INTS2: variants seen among roughly 807,000 people sequenced by gnomAD.
INTS2 encodes KIAA1287.
In INTS2, 57 loss-of-function variants were observed where a neutral mutation model predicts 139.6. The ratio of observed to expected loss-of-function variants is 0.41; its 90% CI spans 0.33 to 0.51. The LOEUF (loss-of-function observed/expected upper bound fraction) is 0.51. Ranked by LOEUF, INTS2 falls within the 20% of genes least tolerant of loss-of-function variation. The pLI, the probability that INTS2 is intolerant of heterozygous loss-of-function variation, is 0.28. For missense variants in INTS2, 1,196 were observed against 1,436.7 expected (o/e 0.83, Z 2.71); for synonymous variants, 473 against 493.4 (o/e 0.96, Z 0.55).
chr17:61,897,493 C>T lies in INTS2; in HGVS notation c.1470G>A (p.Leu490=). ...HSNQLSAIID[L]VCSTLGMKIV... ...CCTTCATCCCCAAAGTGGAACAGAC[C>T]AAGTCAATGATAGCACTAAGCTGGT... Residue 490 remains leucine (L), a synonymous_variant, in exon 11 of 25, where the codon TTG becomes TTA. Transcript: ENST00000251334. The surrounding 1 kb of genome is among the most constrained non-coding windows in gnomAD (Gnocchi z 4.4). 1.3e-6 allele frequency: 2 copies of T among 1,591,116 alleles called. No homozygotes were observed. The highest frequency in any genetic ancestry group is 1.7e-6 in the Non-Finnish European group (2 of 1,169,244).
chr17:61,895,506 G>A, intron 11 of INTS2, 123 bp from the exon 12 acceptor site: 1 of 525,496 alleles, frequency 1.9e-6, no homozygotes, highest in South Asian at 3.8e-5. Context: ...ACTCTACTCT[G>A]TTTTAGAAGT....
intron 8 of INTS2, among the ~76,000 whole-genome samples, chr17:61,905,153 C>A (rs754480692): frequency 1.2e-4 from 18 of 151,914 alleles, no homozygotes; most frequent in Non-Finnish European, 2.4e-4. Flanking sequence ...GTTCCCCAGG[C>A]TGGTCTCAGA....
intron 2 of INTS2, among the ~76,000 whole-genome samples, chr17:61,925,626 C>T (rs1350265577): frequency 1.3e-5 from 2 of 151,764 alleles, no homozygotes; most frequent in Admixed American, 1.3e-4. Context: ...CCACAACTGA[C>T]AATTAACACT....
chr17:61,896,605 G>A (rs1041450625), intron 11 of INTS2, among the ~76,000 whole-genome samples: 1 of 152,042 alleles, frequency 6.6e-6, no homozygotes, highest in African/African-American at 2.4e-5. Context: ...AGTCCCTACA[G>A]GAAAATTAGG....
rs2079100962 is a variant in INTS2 at position 61,872,964 on chromosome 17, TA to T, written c.2583-505del. Among the ~76,000 whole-genome samples the T allele has an allele frequency of 6.6e-6, 1 of 152,208 alleles. No individual in the cohort carries two copies. Among genetic ancestry groups the T allele is most frequent in the Non-Finnish European group, 1.5e-5 (1 of 68,042 alleles). ...TTATATCAAATAGTGCAGGAAAGTATATACTATCAAACACTGCTATGGAATG... is the reference window on the plus strand; with the variant it reads ...TTATATCAAATAGTGCAGGAAAGTATTACTATCAAACACTGCTATGGAATG... On this transcript the variant is annotated intron_variant, in intron 19 of 24. Transcript: ENST00000251334. This position sits in a 1 kb window ranked among gnomAD's most constrained non-coding sequence, Gnocchi z 4.8.
chr17:61,895,676 ATATGTGTGTGTGTG>A, intron 11 of INTS2, among the ~76,000 whole-genome samples: 1 of 152,262 alleles, frequency 6.6e-6, no homozygotes, highest in African/African-American at 2.4e-5. Context: ...GCCAAGAGAA[ATATGTGTGTGTGTG>A]TATGTGTGTG....
chr17:61,905,369 C>T (rs2079450439), intron 8 of INTS2, among the ~76,000 whole-genome samples: 2 of 152,220 alleles, frequency 1.3e-5, no homozygotes, highest in Admixed American at 1.3e-4. Flanking sequence ...CCCTGTCGCC[C>T]AGGCGGGAGC....
chr17:61,905,511 G>C (rs1416396441), intron 8 of INTS2, among the ~76,000 whole-genome samples: 1 of 152,098 alleles, frequency 6.6e-6, no homozygotes, highest in African/African-American at 2.4e-5. Flanking sequence ...ATTTTTAGTA[G>C]AGAGAGGGTT....
rs776827160 is a variant in INTS2, at chr17:61,869,167, G to C, written c.3139-28C>G. On this transcript the variant is annotated intron_variant, in intron 22 of 24. Transcript: ENST00000251334. This position sits in a 1 kb window ranked among gnomAD's most constrained non-coding sequence, Gnocchi z 5.4. Reference sequence around the variant, plus strand: ...GCAATACAAAATCCAGTTATTACATGTTTCTCAAGAATATCTTTAGGTATT... The same window carrying C: ...GCAATACAAAATCCAGTTATTACATCTTTCTCAAGAATATCTTTAGGTATT... 2 of 1,513,448 alleles carry C rather than the reference G, an allele frequency of 1.3e-6. No individual in the cohort carries two copies. The highest frequency in any genetic ancestry group is 1.8e-6 in the Non-Finnish European group (2 of 1,091,452). The allele number at this position is 1,513,448 out of a possible 1,614,324, so 93.8% of individuals were successfully genotyped here. A position where few individuals can be genotyped will look rare whatever the true frequency, so the allele number is the denominator to read the frequency against.
rs2079088383 is a variant in INTS2, at chr17:61,871,470, T to C, written c.2778+795A>G. On this transcript the variant is annotated intron_variant, in intron 20 of 24. Transcript: ENST00000251334. This position sits in a 1 kb window ranked among gnomAD's most constrained non-coding sequence, Gnocchi z 4.9. Reference sequence around the variant, plus strand: ...TTGAACTGCTTATATTGTCATGGTATTTATCACTGCCTGACATTTTATTAT... The same window carrying C: ...TTGAACTGCTTATATTGTCATGGTACTTATCACTGCCTGACATTTTATTAT... 1.3e-5 allele frequency among the ~76,000 whole-genome samples: 2 copies of C among 152,154 alleles called. No homozygotes were observed. The highest frequency in any genetic ancestry group is 4.1e-4 in the South Asian group (2 of 4,830).
Position 61,868,148 on chromosome 17 carries a change from C to T in INTS2, c.3245-139G>A, listed in dbSNP as rs1333356123. ...ACAGCCAACCCGTCTTCAGAAAGCT[C>T]ACAATCTAGTAGTCTCAGTCTTTAT... On this transcript the variant is annotated intron_variant, in intron 23 of 24. Transcript: ENST00000251334. This position sits in a 1 kb window ranked among gnomAD's most constrained non-coding sequence, Gnocchi z 4.7. 11 of 595,052 alleles carry T rather than the reference C, an allele frequency of 1.8e-5. No homozygotes were observed. The highest frequency in any genetic ancestry group is 2.5e-5 in the Non-Finnish European group (9 of 361,760). The allele number at this position is 595,052 out of a possible 1,614,324, so 36.9% of individuals were successfully genotyped here.
rs1324967304 is a variant in INTS2 at position 61,878,003 on chromosome 17, T to G, written c.2340A>C (p.Pro780=). 1 of 1,612,432 alleles carries G rather than the reference T, an allele frequency of 6.2e-7. No individual in the cohort carries two copies. The highest frequency in any genetic ancestry group is 1.7e-5 in the Admixed American group (1 of 60,022). Residue 780 remains proline, a synonymous_variant, in exon 18 of 25, where the codon CCA becomes CCC. Transcript: ENST00000251334. Reference sequence around the variant, plus strand: ...TATTGGATGTTAACACTTCCGCATATGGTATAAGTTCACTGGCAGAGAGTA... The same window carrying G: ...TATTGGATGTTAACACTTCCGCATAGGGTATAAGTTCACTGGCAGAGAGTA... ...LTLLSASELI[P]YAEVLTSNMS... is the part of the protein sequence containing the mutation.
In INTS2 at chr17:61,927,848, G is replaced by A; in HGVS notation, c.-213C>T. 1 of 1,613,844 alleles carries A rather than the reference G, an allele frequency of 6.2e-7. No homozygotes were observed. The highest frequency in any genetic ancestry group is 8.5e-7 in the Non-Finnish European group (1 of 1,179,810). On this transcript the variant is annotated 5_prime_UTR_variant, in exon 1 of 25. Transcript: ENST00000251334. ...GGACCAACCGGGTTGTCGATACAAA[G>A]TGGGAAGGATGGGGGCACCACACAA...
intron 7 of INTS2, chr17:61,910,037 T>C (rs953731784): frequency 2.0e-5 from 3 of 152,156 alleles, no homozygotes; most frequent in Non-Finnish European, 2.9e-5. Context: ...CTACTCTAAG[T>C]TCACAATGGA....
At position 61,901,975 on chromosome 17, in the gene INTS2, A is replaced by G. The variant is rs986013751; in HGVS notation, c.1307+2485T>C. 3.3e-5 allele frequency among the ~76,000 whole-genome samples: 5 copies of G among 152,196 alleles called. No individual in the cohort carries two copies. The East Asian group carries it at 9.7e-4, about 29-fold the overall frequency. On this transcript the variant is annotated intron_variant, in intron 9 of 24. Coordinates refer to ENST00000251334, the MANE Select transcript of INTS2 (RefSeq NM_001351695.2). The stretch of plus-strand genomic sequence containing the variant: ...GTATTTCTGAAAATATCTTTGTCCT[A>G]CTTTGACATCTGATTGATAGTTTGA...
intron 15 of INTS2, among the ~76,000 whole-genome samples, chr17:61,886,523 T>C (rs887456732): frequency 6.6e-6 from 1 of 152,226 alleles, no homozygotes; most frequent in African/African-American, 2.4e-5. Context: ...CCACTTTCCC[T>C]GCCTCCAATT....
In INTS2 at chr17:61,881,160, C is replaced by T; in HGVS notation, c.2101G>A (p.Ala701Thr). ...LQQELGGLHS[A>T]LLRLLATNYP... ...TTAGTAGCAAGGAGACGTAGTAAAG[C>T]TGAATGCAACCCTTGAAAATTTACA... The change falls in exon 17 of 25, where the codon GCT becomes ACT. Residue 701 changes from alanine (A) to threonine (T), a missense_variant. By Grantham distance (58) the Ala-to-Thr change is moderately conservative. Coordinates refer to ENST00000251334, the MANE Select transcript of INTS2 (RefSeq NM_001351695.2). 6.2e-7 allele frequency: 1 copy of T among 1,611,854 alleles called. No individual in the cohort carries two copies. Among genetic ancestry groups the T allele is most frequent in the African/African-American group, 1.3e-5 (1 of 74,990 alleles).
intron 7 of INTS2, chr17:61,911,186 C>T (rs1048229649): frequency 3.9e-5 from 13 of 331,562 alleles, no homozygotes; most frequent in Non-Finnish European, 7.0e-5. Flanking sequence ...CTAGAACCCC[C>T]TGGCTTAAGC....
chr17:61,902,414 C>T (rs1307336104), intron 9 of INTS2, among the ~76,000 whole-genome samples: 1 of 152,028 alleles, frequency 6.6e-6, no homozygotes, highest in Non-Finnish European at 1.5e-5. Context: ...TTTCCTTCCC[C>T]TCAATCTTGT....
Sources: allele counts gnomAD v4.1 joint callset (sites outside exome capture counted in the v4.1 genomes callset), GRCh38; gene constraint gnomAD v4.1.1; non-coding constraint Gnocchi (gnomAD v3.1); transcripts MANE v1.5; gene names NCBI Gene and HGNC (gene_info 2026-07-23, HGNC 2026-07-21).